GDF1: variants seen among roughly 807,000 people sequenced by gnomAD.
GDF1 encodes growth differentiation factor 1, also known as embryonic growth/differentiation factor 1.
Under a neutral mutation model 7.4 loss-of-function variants are expected in GDF1, and 8 were observed. The observed-to-expected ratio is 1.09, with a 90% CI of 0.64 to 1.96. GDF1 has a LOEUF of 1.96. Among genes scored for constraint, GDF1 ranks in the 30% most tolerant of loss-of-function variants. The pLI, the probability that GDF1 is intolerant of heterozygous loss-of-function variation, is 0.00. For missense variants in GDF1, 574 were observed against 551.5 expected, an observed-to-expected ratio of 1.04 and a Z score of -0.41; for synonymous variants, 311 against 276.7, an observed-to-expected ratio of 1.12 and a Z score of -1.23.
Position 18,895,934 on chromosome 19 carries a change from G to A in GDF1, c.-1184C>T. 8.3e-7 allele frequency: 1 copy of A among 1,197,964 alleles called. No homozygotes were observed. Among genetic ancestry groups the A allele is most frequent in the Non-Finnish European group, 1.0e-6 (1 of 964,208 alleles). The allele number at this position is 1,197,964 out of a possible 1,614,324, so 74.2% of individuals were successfully genotyped here. ...AGGTGCGCGTGCTCAGCCAGGCCGC[G>A]ACGCGCCAGCCCCCAGCCGCAGTCC... On this transcript the variant is annotated 5_prime_UTR_variant, in exon 1 of 8. Transcript: ENST00000247005. This position sits in a 1 kb window ranked among gnomAD's most constrained non-coding sequence, Gnocchi z 6.4.
chr19:18,870,410 G>T lies in GDF1; in HGVS notation c.-103C>A, dbSNP rs1330848031. ...GTCCCCGGAGGGGCAGGGGTCCTGG[G>T]GGGCGTGGCCGGGAACTGGAGGCAG... On this transcript the variant is annotated 5_prime_UTR_variant, in exon 7 of 8. Transcript: ENST00000247005. The surrounding 1 kb of genome is among the most constrained non-coding windows in gnomAD (Gnocchi z 5.1). 29 of 1,329,266 alleles carry T rather than the reference G, an allele frequency of 2.2e-5. No individual in the cohort carries two copies. The highest frequency in any genetic ancestry group is 3.0e-5 in the Non-Finnish European group (29 of 964,808). 82.3% of individuals were successfully genotyped at this position (1,329,266 alleles called of 1,614,324 possible).
intron 2 of GDF1, among the ~76,000 whole-genome samples, chr19:18,893,025 T>G (rs2056532013): frequency 6.6e-6 from 1 of 151,912 alleles, no homozygotes; most frequent in Admixed American, 6.6e-5. Flanking sequence ...CAAGCGATTC[T>G]CCTGCCTCAG....
intron 2 of GDF1, among the ~76,000 whole-genome samples, chr19:18,886,264 C>G (rs142750863): frequency 0.023 from 3,417 of 150,024 alleles, 65 homozygotes; most frequent in Non-Finnish European, 0.033. Flanking sequence ...TAAAAATTAG[C>G]TGGGGCCGGG....
intron 3 of GDF1, among the ~76,000 whole-genome samples, chr19:18,882,652 T>A (rs1295513583): frequency 6.6e-6 from 1 of 150,486 alleles, no homozygotes; most frequent in Non-Finnish European, 1.5e-5. Flanking sequence ...AATAAGTAAG[T>A]AAATAAATAA....
In GDF1 at chr19:18,878,679, C is replaced by T. The variant is rs1162413323; in HGVS notation, c.-313+251G>A. On this transcript the variant is annotated intron_variant, in intron 6 of 7. Transcript: ENST00000247005. The surrounding 1 kb of genome is among the most constrained non-coding windows in gnomAD (Gnocchi z 4.6). The stretch of plus-strand genomic sequence containing the variant: ...CTAGGCCTGGCCCTCAGTGTCCCTA[C>T]CGCTGAGACCCTGCCTGTCGCCCTG... 6.7e-5 allele frequency: 89 copies of T among 1,329,332 alleles called. No individual in the cohort carries two copies. Among genetic ancestry groups the T allele is most frequent in the Middle Eastern group, 2.9e-4 (1 of 3,424 alleles). 82.3% of individuals were successfully genotyped at this position (1,329,332 alleles called of 1,614,324 possible).
intron 3 of GDF1, chr19:18,882,217 G>C (rs531210251): frequency 1.9e-5 from 3 of 154,440 alleles, no homozygotes; most frequent in South Asian, 2.0e-4. Context: ...GAACTTTCTA[G>C]AACTATGGGA....
At chr19:18,877,193 T>C (rs2056074249) in intron 6 of GDF1, among the ~76,000 whole-genome samples, 1 of 152,214 alleles carries the variant, frequency 6.6e-6, no homozygotes, top group Non-Finnish European at 1.5e-5. Context: ...GGTGCATGCT[T>C]TGCTGTCCTA....
At chr19:18,884,352 C>T in intron 2 of GDF1, 85 bp from the exon 3 acceptor site, 1 of 1,293,664 alleles carries the variant, frequency 7.7e-7, no homozygotes, top group Non-Finnish European at 1.1e-6. Flanking sequence ...CTCCAAGCCA[C>T]ACGTGTCCTC....
At chr19:18,890,975 T>C (rs555241852) in intron 2 of GDF1, among the ~76,000 whole-genome samples, 2 of 151,836 alleles carry the variant, frequency 1.3e-5, no homozygotes, top group African/African-American at 4.8e-5. Context: ...AATACAAAAA[T>C]TAGCCGAGGG....
chr19:18,893,029 G>T (rs1398340692), intron 2 of GDF1, among the ~76,000 whole-genome samples: 1 of 151,888 alleles, frequency 6.6e-6, no homozygotes, highest in African/African-American at 2.4e-5. Flanking sequence ...CGATTCTCCT[G>T]CCTCAGCCTC....
intron 6 of GDF1, among the ~76,000 whole-genome samples, chr19:18,872,723 C>CTGGTTTAGTAGAGG (rs2055996643): frequency 3.6e-5 from 3 of 83,344 alleles, no homozygotes; most frequent in African/African-American, 1.4e-4. Flanking sequence ...ACCATGTTGG[C>CTGGTTTAGTAGAGG]CAGGCTGGTC....
chr19:18,868,670 A>G lies in GDF1; in HGVS notation c.1046T>C (p.Phe349Ser). 1 of 1,573,986 alleles carries G rather than the reference A, an allele frequency of 6.4e-7. No homozygotes were observed. The highest frequency in any genetic ancestry group is 1.2e-5 in the South Asian group (1 of 85,962). The change falls in exon 8 of 8, where the codon TTC becomes TCC. Residue 349 changes from phenylalanine to serine, a missense_variant. Coordinates refer to ENST00000247005, the MANE Select transcript of GDF1 (RefSeq NM_001492.6). ...PARLSPISVL[F>S]FDNSDNVVLR... ...CACCACGTTGTCGCTGTTGTCAAAG[A>G]AGAGCACGGAGATGGGCGACAGGCG...
chr19:18,870,495 G>C lies in GDF1; in HGVS notation c.-188C>G. 1 of 563,962 alleles carries C rather than the reference G, an allele frequency of 1.8e-6. No individual in the cohort carries two copies. The highest frequency in any genetic ancestry group is 3.1e-6 in the Non-Finnish European group (1 of 317,982). 34.9% of individuals were successfully genotyped at this position (563,962 alleles called of 1,614,324 possible). A position where few individuals can be genotyped will look rare whatever the true frequency, so the allele number is the denominator to read the frequency against. On this transcript the variant is annotated 5_prime_UTR_variant, in exon 7 of 8. Coordinates refer to ENST00000247005, the MANE Select transcript of GDF1 (RefSeq NM_001492.6). The surrounding 1 kb of genome is among the most constrained non-coding windows in gnomAD (Gnocchi z 5.1). ...GGCCCTAGAGGAGCAGAGTTGGAGGGGGTGGAGGGGCGGCCAAGGACGGGG... is the reference window on the plus strand; with the variant it reads ...GGCCCTAGAGGAGCAGAGTTGGAGGCGGTGGAGGGGCGGCCAAGGACGGGG...
chr19:18,872,032 G>A (rs956149932), intron 6 of GDF1, among the ~76,000 whole-genome samples: 1 of 152,180 alleles, frequency 6.6e-6, no homozygotes, highest in South Asian at 2.1e-4. Flanking sequence ...GAGGGTCCCC[G>A]TGCTTTCCAT....
At chr19:18,871,094 CTT>C (rs760333836) in intron 6 of GDF1, among the ~76,000 whole-genome samples, 7 of 145,032 alleles carry the variant, frequency 4.8e-5, no homozygotes, top group Non-Finnish European at 6.1e-5. Context: ...TTTTATTTTC[CTT>C]TTTTTTTTTT....
chr19:18,880,516 C>A (rs895141402), intron 3 of GDF1, 81 bp from the exon 4 acceptor site: 19 of 1,378,312 alleles, frequency 1.4e-5, no homozygotes, highest in Admixed American at 2.3e-5. Flanking sequence ...CAGCAGAGTC[C>A]CTGGGCTACA....
At chr19:18,889,515 C>A (rs2056442723) in intron 2 of GDF1, among the ~76,000 whole-genome samples, 1 of 152,200 alleles carries the variant, frequency 6.6e-6, no homozygotes, top group African/African-American at 2.4e-5. Flanking sequence ...CTCCCGGGCT[C>A]AAGCCTCAGC....
At chr19:18,884,615 C>T (rs1601173917) in intron 2 of GDF1, among the ~76,000 whole-genome samples, 1 of 151,506 alleles carries the variant, frequency 6.6e-6, no homozygotes, top group Admixed American at 6.6e-5. Flanking sequence ...CACTGTGTTA[C>T]CCAGGATGGT....
chr19:18,885,252 G>A (rs1310208475), intron 2 of GDF1, among the ~76,000 whole-genome samples: 1 of 152,140 alleles, frequency 6.6e-6, no homozygotes, highest in Non-Finnish European at 1.5e-5. Flanking sequence ...CCATGCTGGA[G>A]TGCAGTGGTG....
Sources: allele counts gnomAD v4.1 joint callset (sites outside exome capture counted in the v4.1 genomes callset), GRCh38; gene constraint gnomAD v4.1.1; non-coding constraint Gnocchi (gnomAD v3.1); transcripts MANE v1.5; gene names NCBI Gene and HGNC (gene_info 2026-07-23, HGNC 2026-07-21).